UMAD1: variants seen among roughly 807,000 people sequenced by gnomAD.
UMAD1 encodes UBAP1-MVB12-associated (UMA)-domain containing protein 1.
Under a neutral mutation model 6.1 loss-of-function variants are expected in UMAD1, and 8 were observed. The observed-to-expected ratio is 1.30, with a 90% confidence interval of 0.76 to 2.35. The LOEUF (loss-of-function observed/expected upper bound fraction) is 2.35. Ranked by LOEUF, UMAD1 falls within the 30% of genes most tolerant of loss-of-function variation. The pLI is 0.00. For synonymous variants in UMAD1, 56 were observed against 31.4 expected (o/e 1.78, Z -2.61); for missense variants, 130 against 78.4 (o/e 1.66, Z -2.49).
At chr7:7,744,064 A>C (rs952905378) in intron 2 of UMAD1, among the ~76,000 whole-genome samples, 7 of 152,164 alleles carry the variant, frequency 4.6e-5, no homozygotes, top group Non-Finnish European at 1.0e-4. Flanking sequence ...ATCCATTAGC[A>C]GTTACTCACT....
At chr7:7,806,243 GT>G (rs35024671) in intron 3 of UMAD1, among the ~76,000 whole-genome samples, 4,895 of 147,464 alleles carry the variant, frequency 0.033, 110 homozygotes, top group Non-Finnish European at 0.051. Flanking sequence ...GAACAGCAGG[GT>G]TTTTTTTTTT....
chr7:7,829,517 A>G (rs1783419210), intron 3 of UMAD1, among the ~76,000 whole-genome samples: 1 of 138,940 alleles, frequency 7.2e-6, no homozygotes, highest in South Asian at 2.3e-4. Context: ...TTTCGTAAAT[A>G]TAAATGGACA....
At chr7:7,798,080 A>C (rs1782723758) in intron 2 of UMAD1, among the ~76,000 whole-genome samples, 1 of 152,230 alleles carries the variant, frequency 6.6e-6, no homozygotes. Context: ...TTTGTAAACA[A>C]AATTTTATTG....
intron 2 of UMAD1, among the ~76,000 whole-genome samples, chr7:7,777,376 G>T (rs187257921): frequency 3.1e-4 from 47 of 151,122 alleles, no homozygotes; most frequent in Admixed American, 1.5e-3. Context: ...CGTGGTGGTG[G>T]GTGCCTGTAA....
At chr7:7,820,072 A>G (rs1420421761) in intron 3 of UMAD1, among the ~76,000 whole-genome samples, 2 of 152,210 alleles carry the variant, frequency 1.3e-5, no homozygotes, top group African/African-American at 2.4e-5. Context: ...CACTCAGGCA[A>G]ATTTTAGGGC....
intron 3 of UMAD1, among the ~76,000 whole-genome samples, chr7:7,850,206 T>C (rs1013235649): frequency 2.6e-5 from 4 of 152,110 alleles, no homozygotes; most frequent in South Asian, 2.1e-4. Context: ...AAACTTTTCC[T>C]TTATAACTTT....
intron 3 of UMAD1, among the ~76,000 whole-genome samples, chr7:7,870,221 T>C (rs906065282): frequency 2.0e-5 from 3 of 152,172 alleles, no homozygotes; most frequent in African/African-American, 7.2e-5. Flanking sequence ...ATTAACTTTC[T>C]TTGTAAGATT....
At chr7:7,768,381 G>C (rs532879078) in intron 2 of UMAD1, among the ~76,000 whole-genome samples, 2 of 152,210 alleles carry the variant, frequency 1.3e-5, no homozygotes, top group South Asian at 4.2e-4. Flanking sequence ...GGGCTTACTT[G>C]TCCCACTTCA....
At chr7:7,827,133 A>ATGTGTGTGTGTGTG (rs1354412548) in intron 3 of UMAD1, among the ~76,000 whole-genome samples, 4 of 89,244 alleles carry the variant, frequency 4.5e-5, no homozygotes, top group Admixed American at 1.1e-4. Context: ...ATATATATAT[A>ATGTGTGTGTGTGTG]TATATATATA....
intron 2 of UMAD1, among the ~76,000 whole-genome samples, chr7:7,780,528 C>T (rs13240854): frequency 0.47 from 71,379 of 152,004 alleles, 16,776 homozygotes; most frequent in Non-Finnish European, 0.5. Flanking sequence ...CATGCACAAA[C>T]GATAAGTTTG....
intron 2 of UMAD1, among the ~76,000 whole-genome samples, chr7:7,721,667 G>A (rs1009332061): frequency 7.9e-5 from 12 of 152,170 alleles, no homozygotes; most frequent in African/African-American, 2.9e-4. Flanking sequence ...ATCAATCTCT[G>A]TGCTGCCTCT....
chr7:7,710,588 C>G (rs551288341), intron 2 of UMAD1, among the ~76,000 whole-genome samples: 1 of 152,210 alleles, frequency 6.6e-6, no homozygotes, highest in African/African-American at 2.4e-5. Context: ...GAATCTGGAT[C>G]ACTTATTGAT....
At chr7:7,699,020 A>C (rs980786439) in intron 2 of UMAD1, among the ~76,000 whole-genome samples, 1 of 144,362 alleles carries the variant, frequency 6.9e-6, no homozygotes, top group African/African-American at 2.6e-5. Context: ...ATGCCCAGTT[A>C]ATTTTTATAT....
chr7:7,828,110 T>C (rs1384986692), intron 3 of UMAD1, among the ~76,000 whole-genome samples: 1 of 152,152 alleles, frequency 6.6e-6, no homozygotes, highest in African/African-American at 2.4e-5. Flanking sequence ...TTTGTGAAAA[T>C]ACTTATGAAA....
rs376790528 is a variant in UMAD1, at chr7:7,655,595, T to A, written c.-64+14774T>A. 4.6e-5 allele frequency among the ~76,000 whole-genome samples: 7 copies of A among 152,262 alleles called. No individual in the cohort carries two copies. The East Asian group carries it at 7.7e-4, about 17-fold the overall frequency. On this transcript the variant is annotated intron_variant, in intron 1 of 3. Coordinates refer to ENST00000682710, the MANE Select transcript of UMAD1 (RefSeq NM_001302348.2). ...TTGGCTAAAAGTAATAACATTTAAA[T>A]TCTCAGTTGGCTGAAAGCATCTATA...
intron 3 of UMAD1, among the ~76,000 whole-genome samples, chr7:7,845,771 C>T (rs189148709): frequency 2.5e-3 from 383 of 151,938 alleles, no homozygotes; most frequent in African/African-American, 8.8e-3. Context: ...TAGTTAATAC[C>T]GTAGTAGAGT....
chr7:7,750,783 A>T (rs1781663445), intron 2 of UMAD1, among the ~76,000 whole-genome samples: 1 of 152,228 alleles, frequency 6.6e-6, no homozygotes, highest in Admixed American at 6.5e-5. Flanking sequence ...ATATAAACCC[A>T]GTCAGTTTGG....
intron 2 of UMAD1, among the ~76,000 whole-genome samples, chr7:7,762,203 A>G (rs754046177): frequency 1.3e-5 from 2 of 152,210 alleles, no homozygotes; most frequent in Non-Finnish European, 2.9e-5. Flanking sequence ...CAGGAGAACA[A>G]ATTATTTACA....
rs150436553 is a variant in UMAD1, at chr7:7,752,293, T to G, written c.83-49377T>G. ...TAGGCTTGATAGACTACTTGAAAAC[T>G]TAGTTAATAAAAAAGAGTGAATCAT... On this transcript the variant is annotated intron_variant, in intron 2 of 3. Coordinates refer to ENST00000682710, the MANE Select transcript of UMAD1 (RefSeq NM_001302348.2). 3.4e-3 allele frequency among the ~76,000 whole-genome samples: 522 copies of G among 152,266 alleles called. 2 individuals are homozygous for G. Among genetic ancestry groups the G allele is most frequent in the Non-Finnish European group, 5.4e-3 (368 of 67,984 alleles).
Sources: allele counts gnomAD v4.1 joint callset (sites outside exome capture counted in the v4.1 genomes callset), GRCh38; gene constraint gnomAD v4.1.1; transcripts MANE v1.5; gene names NCBI Gene and HGNC (gene_info 2026-07-23, HGNC 2026-07-21).